The following DNAH9 variants were observed in gnomAD, a reference collection of about 807,000 sequenced individuals.
The protein encoded by DNAH9 is DNAH9 variant protein.
In DNAH9, 345 loss-of-function variants were observed where a neutral mutation model predicts 471.6. The ratio of observed to expected loss-of-function variants is 0.73; its 90% CI spans 0.67 to 0.80. DNAH9 has a LOEUF of 0.80. Ranked by LOEUF, DNAH9 falls within the 30% of genes least tolerant of loss-of-function variation. DNAH9 has a pLI of 0.00. For missense variants in DNAH9, 5,407 were observed against 5,609.2 expected (o/e 0.96, Z 1.15); for synonymous variants, 2,093 against 2,123.6 (o/e 0.99, Z 0.40).
Position 11,834,685 on chromosome 17 carries a change from G to A in DNAH9, c.9294G>A (p.Lys3098=), listed in dbSNP as rs917071319. The A allele has an allele frequency of 4.3e-6, 7 of 1,614,006 alleles. No individual in the cohort carries two copies. In the African/African-American group the frequency reaches 9.3e-5, roughly 22 times the overall value. ...TGGCTGCCCAGGAAGTAGAGCTGAAGCAGAAAAATGAAGATGCAGACAAAC... is the reference window on the plus strand; with the variant it reads ...TGGCTGCCCAGGAAGTAGAGCTGAAACAGAAAAATGAAGATGCAGACAAAC... ...AKLAAQEVEL[K]QKNEDADKLI... The change falls in exon 49 of 69, where the codon AAG becomes AAA. Residue 3098 remains lysine, a synonymous_variant. Transcript: ENST00000262442.
intron 67 of DNAH9, among the ~76,000 whole-genome samples, chr17:11,952,227 C>T (rs1415374852): frequency 6.9e-6 from 1 of 145,626 alleles, no homozygotes; most frequent in African/African-American, 2.5e-5. Flanking sequence ...GCAACCTCTA[C>T]CTTCTAGGTT....
At chr17:11,674,511 A>G (rs1241215971) in intron 17 of DNAH9, among the ~76,000 whole-genome samples, 1 of 152,126 alleles carries the variant, frequency 6.6e-6, no homozygotes, top group Non-Finnish European at 1.5e-5. Flanking sequence ...GCCTATTCAT[A>G]TCTGTGGCTC....
At chr17:11,875,738 A>AC (rs1972451777) in intron 53 of DNAH9, 1 of 152,948 alleles carries the variant, frequency 6.5e-6, no homozygotes, top group Admixed American at 6.5e-5. Context: ...GAAAGTTACC[A>AC]CGTGAAGGGA....
At position 11,669,060 on chromosome 17, in the gene DNAH9, T is replaced by C. The variant is rs75231713; in HGVS notation, c.2732-4T>C. On this transcript the variant is annotated splice_region_variant and splice_polypyrimidine_tract_variant and intron_variant, in intron 15 of 68. Coordinates refer to ENST00000262442, the MANE Select transcript of DNAH9 (RefSeq NM_001372.4). ...TTTGTTTGCTTGTTTTCTGTGTTTT[T>C]CAGAGTGTAAGGCAGGACTTACCCC... 6.3e-7 allele frequency: 1 copy of C among 1,596,762 alleles called. No homozygotes were observed. The highest frequency in any genetic ancestry group is 1.1e-5 in the South Asian group (1 of 89,162).
At chr17:11,925,329 C>T (rs1974285980) in intron 62 of DNAH9, 1 of 376,126 alleles carries the variant, frequency 2.7e-6, no homozygotes, top group Non-Finnish European at 5.3e-6. Flanking sequence ...CCATGAACCT[C>T]CCCCATCTCC....
chr17:11,629,030 A>G (rs1250256821), intron 6 of DNAH9, among the ~76,000 whole-genome samples: 1 of 151,688 alleles, frequency 6.6e-6, no homozygotes, highest in Admixed American at 6.6e-5. Flanking sequence ...CACCGCCCCC[A>G]TGGTTTCCAA....
intron 26 of DNAH9, among the ~76,000 whole-genome samples, chr17:11,706,344 A>G (rs529855252): frequency 6.6e-6 from 1 of 152,290 alleles, no homozygotes; most frequent in South Asian, 2.1e-4. Context: ...TCACACATGA[A>G]TGAATTCACG....
intron 61 of DNAH9, among the ~76,000 whole-genome samples, chr17:11,911,808 A>G (rs1432707036): frequency 6.6e-6 from 1 of 152,090 alleles, no homozygotes; most frequent in Non-Finnish European, 1.5e-5. Flanking sequence ...TATTAAATGT[A>G]TTCCCAAGAC....
intron 12 of DNAH9, among the ~76,000 whole-genome samples, chr17:11,649,711 A>G (rs76765057): frequency 0.014 from 2,077 of 152,322 alleles, 57 homozygotes; most frequent in African/African-American, 0.048. Flanking sequence ...ACTAAAAGAA[A>G]AAAACTCAAT....
rs192880495 is a variant in DNAH9 at position 11,697,888 on chromosome 17, C to T, written c.4873-1843C>T. ...TATTTCTCTACCTCTGCCAACTCAT[C>T]TTTCACCACGTTTTATAGACTTCAT... On this transcript the variant is annotated intron_variant, in intron 22 of 68. Transcript: ENST00000262442. 9.2e-5 allele frequency among the ~76,000 whole-genome samples: 14 copies of T among 151,740 alleles called. No homozygotes were observed. In the East Asian group the frequency reaches 2.7e-3, roughly 29 times the overall value.
intron 40 of DNAH9, 97 bp from the exon 41 acceptor site, chr17:11,784,203 G>A: frequency 6.4e-7 from 1 of 1,560,992 alleles, no homozygotes; most frequent in Non-Finnish European, 8.7e-7. Context: ...TAGATTCGAA[G>A]GCTGTATAAG....
At chr17:11,665,567 T>C (rs2073852279) in intron 15 of DNAH9, among the ~76,000 whole-genome samples, 1 of 152,190 alleles carries the variant, frequency 6.6e-6, no homozygotes, top group African/African-American at 2.4e-5. Context: ...GAATTTATAG[T>C]GGATAAACTG....
chr17:11,807,912 T>C lies in DNAH9; in HGVS notation c.8583+18T>C, dbSNP rs768173070. ...ACTTCAAGGTAAAAGGTCAGGCAGC[T>C]GCAGGGAGGAGGCTCAGCTTCCCTC... On this transcript the variant is annotated intron_variant, in intron 44 of 68. Coordinates refer to ENST00000262442, the MANE Select transcript of DNAH9 (RefSeq NM_001372.4). The C allele has an allele frequency of 3.1e-6, 5 of 1,588,300 alleles. No homozygotes were observed. The Admixed American group carries it at 8.5e-5, about 27-fold the overall frequency.
chr17:11,724,736 A>G (rs1037276713), intron 27 of DNAH9, among the ~76,000 whole-genome samples: 2 of 152,210 alleles, frequency 1.3e-5, no homozygotes, highest in African/African-American at 2.4e-5. Context: ...GGCATGAGGG[A>G]CCAGTTTCAT....
chr17:11,871,817 A>T, intron 52 of DNAH9, 31 bp downstream of exon 52: 1 of 1,607,542 alleles, frequency 6.2e-7, no homozygotes. Context: ...TCCCGACCAC[A>T]TCAGCCTCTG....
intron 67 of DNAH9, among the ~76,000 whole-genome samples, chr17:11,950,805 G>T (rs903523176): frequency 6.6e-6 from 1 of 152,170 alleles, no homozygotes; most frequent in African/African-American, 2.4e-5. Context: ...ACTTAGCCCA[G>T]GGAAATGACC....
intron 14 of DNAH9, among the ~76,000 whole-genome samples, chr17:11,661,476 A>G (rs553171388): frequency 6.6e-5 from 10 of 152,078 alleles, no homozygotes; most frequent in East Asian, 3.9e-4. Flanking sequence ...TTTGTTTTCT[A>G]TTTGCTTCAT....
chr17:11,849,037 C>T (rs1187649797), intron 49 of DNAH9, among the ~76,000 whole-genome samples: 3 of 152,078 alleles, frequency 2.0e-5, no homozygotes, highest in Admixed American at 6.6e-5. Flanking sequence ...AGGGTTTCAC[C>T]GTGTTAGCCA....
chr17:11,844,045 A>T (rs111390921), intron 49 of DNAH9, among the ~76,000 whole-genome samples: 1 of 122,370 alleles, frequency 8.2e-6, no homozygotes, highest in Non-Finnish European at 1.8e-5. Flanking sequence ...TACTCTTAAT[A>T]AATGGACAAA....
Sources: allele counts gnomAD v4.1 joint callset (sites outside exome capture counted in the v4.1 genomes callset), GRCh38; gene constraint gnomAD v4.1.1; transcripts MANE v1.5; gene names NCBI Gene and HGNC (gene_info 2026-07-23, HGNC 2026-07-21).